Variants in CMYA5 observed in about 807,000 individuals in gnomAD.
The protein encoded by CMYA5 is cardiomyopathy associated 5, also known as cardiomyopathy-associated protein 5.
A neutral mutation model predicts 318.9 loss-of-function variants in CMYA5; 246 were observed. The ratio of observed to expected loss-of-function variants is 0.77; its 90% CI spans 0.70 to 0.86. The LOEUF (loss-of-function observed/expected upper bound fraction) is 0.86. CMYA5 is among the 40% of genes least tolerant of loss of function. The pLI, the probability that CMYA5 is intolerant of heterozygous loss-of-function variation, is 0.00. For synonymous variants in CMYA5, 1,641 were observed against 1,729.5 expected (o/e 0.95, Z 1.27); for missense variants, 4,589 against 4,678.2 (o/e 0.98, Z 0.56).
chr5:79,760,550 A>G (rs1580792345), intron 7 of CMYA5, among the ~76,000 whole-genome samples: 1 of 152,176 alleles, frequency 6.6e-6, no homozygotes, highest in Non-Finnish European at 1.5e-5. Context: ...AAGCAAGCAC[A>G]TCTTCCCATG....
chr5:79,704,401 G>T (rs1036336125), intron 1 of CMYA5, among the ~76,000 whole-genome samples: 2 of 151,998 alleles, frequency 1.3e-5, no homozygotes, highest in East Asian at 3.9e-4. Context: ...CCAGAATCCT[G>T]TGAGCAGACC....
intron 1 of CMYA5, among the ~76,000 whole-genome samples, chr5:79,694,190 A>G (rs1827024923): frequency 6.6e-6 from 1 of 152,336 alleles, no homozygotes; most frequent in South Asian, 2.1e-4. Flanking sequence ...TCTGAGTAAA[A>G]TTGGAAGCTA....
At position 79,738,562 on chromosome 5, in the gene CMYA5, G is replaced by A. The variant is rs771705936; in HGVS notation, c.9797G>A (p.Arg3266Gln). Reference sequence around the variant, plus strand: ...CAGGGCCAAGGTCTGGAAGAAAAACGAGTTGGTAAGGATGATTCATACCAA... The same window carrying A: ...CAGGGCCAAGGTCTGGAAGAAAAACAAGTTGGTAAGGATGATTCATACCAA... ...KDQGQGLEEK[R>Q]VGKDDSYQPI... Residue 3266 changes from arginine to glutamine, a missense_variant, in exon 2 of 13, where the codon CGA becomes CAA. Arg to Gln is a conservative substitution (Grantham distance 43, BLOSUM62 1). This residue lies in a region of CMYA5 where 2,431 missense variants were observed against 2,495.1 expected (regional missense o/e 0.97). Coordinates refer to ENST00000446378, the MANE Select transcript of CMYA5 (RefSeq NM_153610.5). The A allele has an allele frequency of 6.2e-7, 1 of 1,613,446 alleles. No individual in the cohort carries two copies. The highest frequency in any genetic ancestry group is 2.2e-5 in the East Asian group (1 of 44,878).
chr5:79,763,110 A>G lies in CMYA5; in HGVS notation c.11456A>G (p.Asn3819Ser). ...IRAEDCTVCW[N>S]TATIRWRPTT... ...GCTGAGGACTGTACTGTGTGTTGGA[A>G]CACAGCCACTATCCGATGGCGGCCC... The change falls in exon 9 of 13, where the codon AAC becomes AGC. Residue 3819 changes from asparagine (N) to serine (S), a missense_variant. Physicochemically the swap from Asn to Ser is conservative, Grantham distance 46. Coordinates refer to ENST00000446378, the MANE Select transcript of CMYA5 (RefSeq NM_153610.5). The G allele has an allele frequency of 6.2e-7, 1 of 1,613,514 alleles. No homozygotes were observed. The highest frequency in any genetic ancestry group is 1.1e-5 in the South Asian group (1 of 91,058).
intron 12 of CMYA5, among the ~76,000 whole-genome samples, chr5:79,797,281 T>C (rs559768175): frequency 2.0e-5 from 3 of 152,338 alleles, no homozygotes; most frequent in South Asian, 4.1e-4. Flanking sequence ...GACTAGGGCC[T>C]CTTGGAAGTT....
At chr5:79,693,681 C>T (rs1827014827) in intron 1 of CMYA5, among the ~76,000 whole-genome samples, 4 of 152,076 alleles carry the variant, frequency 2.6e-5, no homozygotes, top group Admixed American at 2.6e-4. Context: ...GGAGTAGACC[C>T]CAGGTGTCTG....
Position 79,732,263 on chromosome 5 carries a change from T to G in CMYA5, c.3498T>G (p.Pro1166=), listed in dbSNP as rs372193460. The change falls in exon 2 of 13, where the codon CCT becomes CCG. Residue 1166 remains proline, a synonymous_variant. Transcript: ENST00000446378. ...QSSIVKEETK[P]ASPHSVLPDS... ...CTATAGTAAAGGAAGAAACCAAACC[T>G]GCATCTCCACATTCAGTTTTACCTG... 6.8e-5 allele frequency: 110 copies of G among 1,613,720 alleles called. No homozygotes were observed. The highest frequency in any genetic ancestry group is 1.0e-4 in the Admixed American group (6 of 59,958).
chr5:79,790,258 T>C (rs934882084), intron 10 of CMYA5, among the ~76,000 whole-genome samples: 11 of 150,778 alleles, frequency 7.3e-5, no homozygotes, highest in African/African-American at 2.4e-4. Context: ...CTTTAGGTTA[T>C]ATCGGTGCAT....
intron 1 of CMYA5, among the ~76,000 whole-genome samples, chr5:79,699,173 C>CAAA (rs1476974340): frequency 6.6e-6 from 1 of 151,654 alleles, no homozygotes; most frequent in South Asian, 2.1e-4. Context: ...ACAACAACAA[C>CAAA]AACAAAAAAA....
intron 9 of CMYA5, among the ~76,000 whole-genome samples, chr5:79,776,612 C>T (rs1364945996): frequency 1.3e-5 from 2 of 152,084 alleles, no homozygotes; most frequent in African/African-American, 4.8e-5. Context: ...CTTAAGATTC[C>T]GATTCAGAAG....
intron 1 of CMYA5, among the ~76,000 whole-genome samples, chr5:79,707,684 C>T (rs1296932426): frequency 1.3e-5 from 2 of 152,158 alleles, no homozygotes; most frequent in Admixed American, 6.5e-5. Flanking sequence ...CATATCATTT[C>T]CACATAACTA....
At chr5:79,692,379 A>G (rs528523291) in intron 1 of CMYA5, among the ~76,000 whole-genome samples, 4 of 143,728 alleles carry the variant, frequency 2.8e-5, no homozygotes, top group South Asian at 4.5e-4. Flanking sequence ...CCTTTCAGGT[A>G]TGATATATAT....
intron 9 of CMYA5, among the ~76,000 whole-genome samples, chr5:79,776,420 C>T (rs1046435592): frequency 1.3e-5 from 2 of 152,182 alleles, no homozygotes; most frequent in African/African-American, 2.4e-5. Context: ...TTATAAGTAG[C>T]TTCACACAGC....
chr5:79,737,697 G>A lies in CMYA5; in HGVS notation c.8932G>A (p.Glu2978Lys). 2 of 1,612,214 alleles carry A rather than the reference G, an allele frequency of 1.2e-6. No individual in the cohort carries two copies. The highest frequency in any genetic ancestry group is 1.7e-6 in the Non-Finnish European group (2 of 1,179,420). ...AAGTGAACAAATGCAAGATAAATTA[G>A]AATATTTGGAAGAGAAAGCCTCATT... The part of the protein sequence containing the change: ...EESEQMQDKL[E>K]YLEEKASFKT... Residue 2978 changes from glutamate (E) to lysine (K), a missense_variant, in exon 2 of 13, where the codon GAA (glutamate) becomes AAA (lysine). This residue lies in a region of CMYA5 where 2,431 missense variants were observed against 2,495.1 expected (regional missense o/e 0.97). Coordinates refer to ENST00000446378, the MANE Select transcript of CMYA5 (RefSeq NM_153610.5).
Position 79,738,648 on chromosome 5 carries a change from C to T in CMYA5, c.9883C>T (p.Leu3295=). 6.2e-7 allele frequency: 1 copy of T among 1,613,794 alleles called. No individual in the cohort carries two copies. The highest frequency in any genetic ancestry group is 8.5e-7 in the Non-Finnish European group (1 of 1,179,818). Residue 3295 remains leucine (L), a synonymous_variant, in exon 2 of 13, where the codon CTG becomes TTG. Coordinates refer to ENST00000446378, the MANE Select transcript of CMYA5 (RefSeq NM_153610.5). ...KFGTICREKS[L]EEQKGVYGEG... ...TGGAACTATTTGCAGGGAGAAGAGT[C>T]TGGAAGAACAGAAAGGTGTTTATGG... is the stretch of plus-strand genomic sequence containing the variant.
chr5:79,720,336 CT>C (rs1278667973), intron 1 of CMYA5, among the ~76,000 whole-genome samples: 2 of 151,816 alleles, frequency 1.3e-5, no homozygotes, highest in Non-Finnish European at 2.9e-5. Context: ...GACAGTTACA[CT>C]GACAGCCAAC....
At chr5:79,764,153 C>T (rs964136595) in intron 9 of CMYA5, among the ~76,000 whole-genome samples, 5 of 151,860 alleles carry the variant, frequency 3.3e-5, no homozygotes, top group African/African-American at 1.2e-4. Flanking sequence ...CCTCCCCTAC[C>T]CCCCTGCCCC....
chr5:79,789,739 T>G (rs1309589922), intron 10 of CMYA5, among the ~76,000 whole-genome samples: 1 of 152,164 alleles, frequency 6.6e-6, no homozygotes, highest in Non-Finnish European at 1.5e-5. Flanking sequence ...CAGATGATTT[T>G]TATCAGACTC....
At chr5:79,747,005 C>T in intron 4 of CMYA5, 86 bp from the exon 5 acceptor site, 1 of 825,820 alleles carries the variant, frequency 1.2e-6, no homozygotes. Context: ...GTTGTTTTTT[C>T]TTTCTGTTGT....
Sources: allele counts gnomAD v4.1 joint callset (sites outside exome capture counted in the v4.1 genomes callset), GRCh38; gene constraint gnomAD v4.1.1; regional missense constraint gnomAD v4.1.1; transcripts MANE v1.5; gene names NCBI Gene and HGNC (gene_info 2026-07-23, HGNC 2026-07-21).